ETS1: variants seen among roughly 807,000 people sequenced by gnomAD.
ETS1 encodes the protein protein C-ets-1.
In ETS1, 15 loss-of-function variants were observed where a neutral mutation model predicts 58.6. The observed-to-expected ratio is 0.26, with a 90% confidence interval of 0.17 to 0.39. The LOEUF (loss-of-function observed/expected upper bound fraction) is 0.39. Among genes scored for constraint, ETS1 ranks in the 10% least tolerant of loss-of-function variants. The probability of loss-of-function intolerance (pLI) is 1.00; values close to 1 mark genes in which losing one functional copy is unlikely to be tolerated. For missense variants in ETS1, 417 were observed against 610.5 expected (o/e 0.68, Z 3.34); for synonymous variants, 214 against 218.2 (o/e 0.98, Z 0.17).
At chr11:128,567,502 G>A (rs1156991247) in intron 2 of ETS1, among the ~76,000 whole-genome samples, 1 of 152,196 alleles carries the variant, frequency 6.6e-6, no homozygotes, top group Non-Finnish European at 1.5e-5. Flanking sequence ...TCTTTTGTTG[G>A]ACAGTTTCTG....
At chr11:128,503,765 C>T (rs1024177653) in intron 3 of ETS1, among the ~76,000 whole-genome samples, 4 of 152,150 alleles carry the variant, frequency 2.6e-5, no homozygotes, top group African/African-American at 9.7e-5. Context: ...CACATGGGAA[C>T]CACATGGTAG....
chr11:128,584,938 A>AAAAGAAAGAAAGAAAGAAAGAAAG lies in ETS1; in HGVS notation c.-15+2526_-15+2549dup, dbSNP rs765433081. Among the ~76,000 whole-genome samples the AAAAGAAAGAAAGAAAGAAAGAAAG allele has an allele frequency of 3.2e-5, 2 of 62,598 alleles. 1 individual carries two copies. The highest frequency in any genetic ancestry group is 6.5e-5 in the Non-Finnish European group (2 of 30,860). 41.1% of individuals were successfully genotyped at this position (62,598 alleles called of 152,430 possible). A position where few individuals can be genotyped will look rare whatever the true frequency, so the allele number is the denominator to read the frequency against. Reference sequence around the variant, plus strand: ...AGAAAGAAAGAGGAAGAAAAAAGAGAAAAGAAAGAAAGAAAGAAAGAAAGA... The same window carrying AAAAGAAAGAAAGAAAGAAAGAAAG: ...AGAAAGAAAGAGGAAGAAAAAAGAGAAAAGAAAGAAAGAAAGAAAGAAAGAAAGAAAGAAAGAAAGAAAGAAAGA... On this transcript the variant is annotated intron_variant, in intron 1 of 9. Transcript: ENST00000392668.
chr11:128,585,177 A>AGAAG (rs1864992174), intron 1 of ETS1, among the ~76,000 whole-genome samples: 1 of 53,834 alleles, frequency 1.9e-5, no homozygotes, highest in African/African-American at 9.7e-5. Context: ...AGAGAAAGAA[A>AGAAG]GAAAGAAAGA....
chr11:128,488,856 C>T (rs551350365), intron 5 of ETS1, among the ~76,000 whole-genome samples: 13 of 152,268 alleles, frequency 8.5e-5, no homozygotes, highest in East Asian at 3.9e-4. Context: ...CGGTCTCAGA[C>T]GCTAAGCTTT....
At chr11:128,581,775 G>A (rs1056608829) in intron 1 of ETS1, among the ~76,000 whole-genome samples, 1 of 152,170 alleles carries the variant, frequency 6.6e-6, no homozygotes, top group Non-Finnish European at 1.5e-5. Flanking sequence ...CTCTTAGCCT[G>A]TGAAGCATGT....
At chr11:128,518,374 C>A (rs539066128) in intron 3 of ETS1, among the ~76,000 whole-genome samples, 1 of 152,326 alleles carries the variant, frequency 6.6e-6, no homozygotes, top group East Asian at 1.9e-4. Context: ...TGATCAGGAT[C>A]ATTTTTTGTT....
In ETS1 at chr11:128,480,444, G is replaced by A. The variant is rs758340368; in HGVS notation, c.870C>T (p.Leu290=). ...TGCTTTCAAAAGAGTCCTGGCCCCC[G>A]AGTTTACCTGGAGGTAAAGGAGGAG... ...MCMGRTSRGK[L]GGQDSFESIE... Residue 290 remains leucine, a synonymous_variant, in exon 8 of 10, where the codon CTC becomes CTT. Coordinates refer to ENST00000392668, the MANE Select transcript of ETS1 (RefSeq NM_001143820.2). 10 of 1,611,390 alleles carry A rather than the reference G, an allele frequency of 6.2e-6. No individual in the cohort carries two copies. The African/African-American group carries it at 6.7e-5, about 11-fold the overall frequency.
At chr11:128,512,379 G>A (rs894301917) in intron 3 of ETS1, among the ~76,000 whole-genome samples, 1 of 152,140 alleles carries the variant, frequency 6.6e-6, no homozygotes, top group Non-Finnish European at 1.5e-5. Flanking sequence ...ATCAATGATC[G>A]TTTTCCTTGT....
intron 3 of ETS1, among the ~76,000 whole-genome samples, chr11:128,498,843 T>C (rs7119301): frequency 0.063 from 9,532 of 152,170 alleles, 923 homozygotes; most frequent in African/African-American, 0.21. Flanking sequence ...ATTTACAAAG[T>C]ACTTCACATG....
chr11:128,558,931 C>A (rs756475789), intron 2 of ETS1, among the ~76,000 whole-genome samples: 2 of 152,120 alleles, frequency 1.3e-5, no homozygotes, highest in Non-Finnish European at 2.9e-5. Flanking sequence ...TCCTTTAGAG[C>A]CTTTTTTCAA....
At position 128,462,314 on chromosome 11, in the gene ETS1, T is replaced by C. The variant is rs756486072; in HGVS notation, c.*47A>G. On this transcript the variant is annotated 3_prime_UTR_variant, in exon 10 of 10. Transcript: ENST00000392668. ...AAATTCAGAGTCCAACCAACACGGC[T>C]GTCCTTGGAAGGTCTCAGCAGGGTT... The C allele has an allele frequency of 1.4e-6, 2 of 1,423,122 alleles. No individual in the cohort carries two copies. Among genetic ancestry groups the C allele is most frequent in the South Asian group, 2.3e-5 (2 of 86,592 alleles). 88.2% of individuals were successfully genotyped at this position (1,423,122 alleles called of 1,614,324 possible). A position where few individuals can be genotyped will look rare whatever the true frequency, so the allele number is the denominator to read the frequency against.
At chr11:128,462,598 AAAG>A (rs1861931681) in intron 9 of ETS1, 22 bp from the exon 10 acceptor site, 1 of 1,605,312 alleles carries the variant, frequency 6.2e-7, no homozygotes, top group Admixed American at 1.7e-5. Flanking sequence ...AAAGAAAAAT[AAAG>A]GAGGAGTAGG....
chr11:128,465,938 C>A (rs1371137116), intron 8 of ETS1, among the ~76,000 whole-genome samples: 1 of 152,206 alleles, frequency 6.6e-6, no homozygotes, highest in African/African-American at 2.4e-5. Context: ...ACCCATGCAG[C>A]CCATCCCCAG....
At chr11:128,526,486 G>A (rs1591643177) in intron 3 of ETS1, 1 of 178,674 alleles carries the variant, frequency 5.6e-6, no homozygotes, top group East Asian at 1.7e-4. Context: ...TTAAGATCTA[G>A]TATACGGTAG....
intron 3 of ETS1, among the ~76,000 whole-genome samples, chr11:128,555,059 A>G (rs1234024810): frequency 2.6e-5 from 4 of 152,292 alleles, no homozygotes; most frequent in African/African-American, 4.8e-5. Context: ...TATGTCTACA[A>G]TCCAGGACAG....
At chr11:128,512,505 T>C (rs1158526603) in intron 3 of ETS1, among the ~76,000 whole-genome samples, 1 of 152,254 alleles carries the variant, frequency 6.6e-6, no homozygotes, top group Admixed American at 6.5e-5. Context: ...AGACTTCAGA[T>C]AACCCCCATG....
chr11:128,585,102 A>G lies in ETS1; in HGVS notation c.-15+2386T>C, dbSNP rs1306132317. The stretch of plus-strand genomic sequence containing the variant: ...AGAAAGAAAGAAAGGAAAGAAAGAA[A>G]GGAAGGAAGGAAGGAAAGAAAGAAG... On this transcript the variant is annotated intron_variant, in intron 1 of 9. Coordinates refer to ENST00000392668, the MANE Select transcript of ETS1 (RefSeq NM_001143820.2). Among the ~76,000 whole-genome samples the G allele has an allele frequency of 8.5e-5, 2 of 23,524 alleles. 1 individual carries two copies. Among genetic ancestry groups the G allele is most frequent in the Non-Finnish European group, 1.5e-4 (2 of 13,478 alleles). 15.4% of individuals were successfully genotyped at this position (23,524 alleles called of 152,430 possible). A position where few individuals can be genotyped will look rare whatever the true frequency, so the allele number is the denominator to read the frequency against.
At chr11:128,501,718 T>G (rs1863094290) in intron 3 of ETS1, among the ~76,000 whole-genome samples, 1 of 152,224 alleles carries the variant, frequency 6.6e-6, no homozygotes, top group Admixed American at 6.5e-5. Flanking sequence ...CAAGACCCGT[T>G]GGGTATAGTT....
intron 7 of ETS1, among the ~76,000 whole-genome samples, chr11:128,481,742 C>T (rs964606150): frequency 3.3e-5 from 5 of 152,244 alleles, no homozygotes; most frequent in East Asian, 1.9e-4. Flanking sequence ...TCCATGACAG[C>T]GGAGATTGGT....
Sources: allele counts gnomAD v4.1 joint callset (sites outside exome capture counted in the v4.1 genomes callset), GRCh38; gene constraint gnomAD v4.1.1; transcripts MANE v1.5; gene names NCBI Gene and HGNC (gene_info 2026-07-23, HGNC 2026-07-21).